Variants in KCNA3 observed in about 807,000 individuals in gnomAD.
KCNA3 encodes RP11-284N8.3.
A neutral mutation model predicts 34.3 loss-of-function variants in KCNA3; 18 were observed. That is an observed-to-expected ratio of 0.52 (90% CI 0.36 to 0.78). The LOEUF is 0.78. KCNA3 is among the 30% of genes least tolerant of loss of function. KCNA3 has a pLI of 0.00. For missense variants in KCNA3, 587 were observed against 802.5 expected (o/e 0.73, Z 3.24); for synonymous variants, 324 against 351.7 (o/e 0.92, Z 0.88).
In KCNA3 at chr1:110,672,674, A is replaced by T. The variant is rs1229184007; in HGVS notation, c.*408T>A. ...GTTGAAAGGTCCATCAAACCGAAGC[A>T]TCATTTACTACGAATTGATGTGCTT... On this transcript the variant is annotated 3_prime_UTR_variant, in exon 1 of 1. Coordinates refer to ENST00000369769, the MANE Select transcript of KCNA3 (RefSeq NM_002232.5). The T allele has an allele frequency of 1.2e-5, 2 of 165,326 alleles. No individual in the cohort carries two copies. The highest frequency in any genetic ancestry group is 4.8e-5 in the African/African-American group (2 of 41,788). The allele number at this position is 165,326 out of a possible 1,614,324, so 10.2% of individuals were successfully genotyped here.
rs1652022951 is a variant in KCNA3, at chr1:110,674,686, C to T, written c.124G>A (p.Glu42Lys). The part of the protein sequence containing the change: ...AHTLVNHGYA[E>K]PAAGRELPPD... ...GGCAGCTCGCGGCCTGCGGCGGGCT[C>T]CGCGTAGCCGTGGTTCACCAGCGTG... The change falls in exon 1 of 1, where the codon GAG (glutamate) becomes AAG (lysine). Residue 42 changes from glutamate to lysine, a missense_variant. Around this residue, in one of 7 missense-constraint regions of KCNA3, gnomAD observed 341 missense variants for 355.4 expected, o/e 0.96. Transcript: ENST00000369769. This position sits in a 1 kb window ranked among gnomAD's most constrained non-coding sequence, Gnocchi z 6.4. The T allele has an allele frequency of 6.7e-7, 1 of 1,500,782 alleles. No individual in the cohort carries two copies. Among genetic ancestry groups the T allele is most frequent in the African/African-American group, 1.4e-5 (1 of 69,284 alleles). The allele number at this position is 1,500,782 out of a possible 1,614,324, so 93.0% of individuals were successfully genotyped here. A position where few individuals can be genotyped will look rare whatever the true frequency, so the allele number is the denominator to read the frequency against.
At position 110,674,639 on chromosome 1, in the gene KCNA3, G is replaced by A. The variant is rs1361150253; in HGVS notation, c.171C>T (p.Pro57=). ...CCTCCGGCTCCAGCAGGTGGTCCCC[G>A]GGCACCACGGTCATGTCGGGCGGCA... ...RELPPDMTVV[P]GDHLLEPEVA... is the part of the protein sequence containing the mutation. The change falls in exon 1 of 1, where the codon CCC becomes CCT. Residue 57 remains proline, a synonymous_variant. Transcript: ENST00000369769. The surrounding 1 kb of genome is among the most constrained non-coding windows in gnomAD (Gnocchi z 6.4). 31 of 1,545,684 alleles carry A rather than the reference G, an allele frequency of 2.0e-5. No individual in the cohort carries two copies. The highest frequency in any genetic ancestry group is 3.9e-5 in the Admixed American group (2 of 51,596).
rs1203538375 is a variant in KCNA3 at position 110,673,658 on chromosome 1, C to A, written c.1152G>T (p.Leu384=). The A allele has an allele frequency of 6.2e-7, 1 of 1,614,224 alleles. No homozygotes were observed. The highest frequency in any genetic ancestry group is 1.1e-5 in the South Asian group (1 of 91,082). ...IFKLSRHSKG[L]QILGQTLKAS... ...CCTTCAGCGTTTGCCCGAGGATCTGCAGCCCCTTGGAGTGGCGCGACAGCT... is the reference window on the plus strand; with the variant it reads ...CCTTCAGCGTTTGCCCGAGGATCTGAAGCCCCTTGGAGTGGCGCGACAGCT... The change falls in exon 1 of 1, where the codon CTG becomes CTT. Residue 384 remains leucine, a synonymous_variant. Transcript: ENST00000369769. This position sits in a 1 kb window ranked among gnomAD's most constrained non-coding sequence, Gnocchi z 8.8.
At chr1:110,661,341 C>T in the KCNA3 span, among the ~76,000 whole-genome samples, 7 of 152,126 alleles carry the variant, frequency 4.6e-5, no homozygotes, top group South Asian at 6.2e-4. Context: ...ATTATACACT[C>T]GGTCACCTTG....
At chr1:110,669,341 C>CT (rs761433941), downstream of KCNA3, among the ~76,000 whole-genome samples, 1 of 152,150 alleles carries the variant, frequency 6.6e-6, no homozygotes, top group Non-Finnish European at 1.5e-5. Flanking sequence ...TATCACTAAA[C>CT]ACTACTATGA....
chr1:110,660,886 T>C, the KCNA3 span, among the ~76,000 whole-genome samples: 32 of 152,228 alleles, frequency 2.1e-4, no homozygotes, highest in African/African-American at 7.0e-4. Flanking sequence ...AGACACTTTA[T>C]ATGCTGAATT....
chr1:110,674,559 T>TCGCAGCCGCCGCCGC lies in KCNA3; in HGVS notation c.236_250dup (p.Gly79_Cys83dup), dbSNP rs1328125774. ...TGAGGGCGGCAGCGGCTCGTAGCGG[T>TCGCAGCCGCCGCCGC]CGCAGCCGCCGCCGCCACAGCCGCC... On this transcript the variant is annotated inframe_insertion, in exon 1 of 1. Coordinates refer to ENST00000369769, the MANE Select transcript of KCNA3 (RefSeq NM_002232.5). This position sits in a 1 kb window ranked among gnomAD's most constrained non-coding sequence, Gnocchi z 6.4. 1.7e-4 allele frequency: 264 copies of TCGCAGCCGCCGCCGC among 1,563,006 alleles called. 1 individual carries two copies. The highest frequency in any genetic ancestry group is 1.0e-3 in the Middle Eastern group (5 of 4,854).
chr1:110,658,444 A>C, the KCNA3 span, among the ~76,000 whole-genome samples: 19 of 152,196 alleles, frequency 1.2e-4, no homozygotes, highest in Non-Finnish European at 4.4e-5. Context: ...CTATATAATA[A>C]ATTTTCACAG....
the KCNA3 span, chr1:110,654,486 T>C: frequency 2.6e-5 from 4 of 152,120 alleles, no homozygotes; most frequent in South Asian, 2.1e-4. Flanking sequence ...GTCCTTATGA[T>C]GGATTTTTAA....
downstream of KCNA3, among the ~76,000 whole-genome samples, chr1:110,668,868 C>A (rs1651783629): frequency 6.6e-6 from 1 of 152,150 alleles, no homozygotes; most frequent in Admixed American, 6.5e-5. Context: ...CTGAGCTCAA[C>A]AGTGAAGGTT....
At chr1:110,666,102 T>C in the KCNA3 span, among the ~76,000 whole-genome samples, 8 of 152,210 alleles carry the variant, frequency 5.3e-5, no homozygotes, top group Non-Finnish European at 1.2e-4. Flanking sequence ...ATTTAATGCA[T>C]TCTAAGACCT....
Position 110,674,457 on chromosome 1 carries a change from T to G in KCNA3, c.353A>C (p.Gln118Pro). ...INISGLRFET[Q>P]LKTLCQFPET... Reference sequence around the variant, plus strand: ...GGGGAACTGGCAAAGGGTCTTCAGCTGCGTCTCGAAGCGCAGCCCGGAGAT... The same window carrying G: ...GGGGAACTGGCAAAGGGTCTTCAGCGGCGTCTCGAAGCGCAGCCCGGAGAT... Residue 118 changes from glutamine (Q) to proline (P), a missense_variant, in exon 1 of 1, where the codon CAG becomes CCG. By Grantham distance (76) the Gln-to-Pro change is moderately conservative. This residue lies in a region of KCNA3 where 341 missense variants were observed against 355.4 expected (regional missense o/e 0.96). Coordinates refer to ENST00000369769, the MANE Select transcript of KCNA3 (RefSeq NM_002232.5). The surrounding 1 kb of genome is among the most constrained non-coding windows in gnomAD (Gnocchi z 6.4). 6.2e-7 allele frequency: 1 copy of G among 1,613,972 alleles called. No homozygotes were observed.
chr1:110,666,175 C>T, the KCNA3 span, among the ~76,000 whole-genome samples: 71 of 152,244 alleles, frequency 4.7e-4, no homozygotes, highest in South Asian at 2.5e-3. Context: ...GTACTTTATC[C>T]TTACAATTGG....
rs199589802 is a variant in KCNA3 at position 110,673,565 on chromosome 1, C to T, written c.1245G>A (p.Ala415=). ...GGTCGTCTGCCTCGGCAAAGTAGAC[C>T]GCGCTGGAGAAAAGGATGACCCCAA... ...LFIGVILFSS[A]VYFAEADDPT... The change falls in exon 1 of 1, where the codon GCG becomes GCA. Residue 415 remains alanine, a synonymous_variant. Coordinates refer to ENST00000369769, the MANE Select transcript of KCNA3 (RefSeq NM_002232.5). This position sits in a 1 kb window ranked among gnomAD's most constrained non-coding sequence, Gnocchi z 8.8. 57 of 1,614,156 alleles carry T rather than the reference C, an allele frequency of 3.5e-5. No homozygotes were observed. The African/African-American group carries it at 6.3e-4, about 18-fold the overall frequency.
the KCNA3 span, among the ~76,000 whole-genome samples, chr1:110,660,071 G>C: frequency 6.6e-6 from 1 of 151,870 alleles, no homozygotes; most frequent in Non-Finnish European, 1.5e-5. Flanking sequence ...TAACCTAGAA[G>C]TTAAAGTATA....
chr1:110,670,048 T>C (rs1651827687), downstream of KCNA3, among the ~76,000 whole-genome samples: 4 of 152,172 alleles, frequency 2.6e-5, no homozygotes, highest in South Asian at 8.3e-4. Flanking sequence ...ATCACCCTCA[T>C]TTTACAAACA....
the KCNA3 span, among the ~76,000 whole-genome samples, chr1:110,659,964 T>C: frequency 6.6e-6 from 1 of 152,056 alleles, no homozygotes; most frequent in Non-Finnish European, 1.5e-5. Flanking sequence ...GGGATAGCGT[T>C]AGGAGAAATA....
the KCNA3 span, among the ~76,000 whole-genome samples, chr1:110,661,550 C>T: frequency 6.6e-6 from 1 of 152,092 alleles, no homozygotes; most frequent in Non-Finnish European, 1.5e-5. Flanking sequence ...ATTTTATTTC[C>T]TAAGTGCCTA....
At chr1:110,661,411 C>T in the KCNA3 span, among the ~76,000 whole-genome samples, 12 of 152,044 alleles carry the variant, frequency 7.9e-5, no homozygotes, top group Non-Finnish European at 1.6e-4. Context: ...TGATTTTAGG[C>T]AAAAAGAAAG....
Sources: gnomAD v4.1 joint callset for allele counts (sites outside exome capture counted in the v4.1 genomes callset) on GRCh38, gnomAD v4.1.1 for gene constraint, gnomAD v4.1.1 regional missense constraint, Gnocchi (gnomAD v3.1) non-coding constraint, MANE v1.5 for transcripts, NCBI Gene and HGNC (gene_info 2026-07-23, HGNC 2026-07-21) for gene names.